Variants in FAM117B observed in about 807,000 individuals in gnomAD.
The protein encoded by FAM117B is protein FAM117B.
Under a neutral mutation model 52.8 loss-of-function variants are expected in FAM117B, and 22 were observed. The ratio of observed to expected loss-of-function variants is 0.42; its 90% CI spans 0.30 to 0.59. FAM117B has a LOEUF of 0.59. Ranked by LOEUF, FAM117B falls within the 20% of genes least tolerant of loss-of-function variation. FAM117B has a pLI of 0.22. For missense variants in FAM117B, 678 were observed against 802.6 expected (o/e 0.84, Z 1.88); for synonymous variants, 309 against 324.1 (o/e 0.95, Z 0.50).
chr2:202,670,109 TC>T (rs1428683164), intron 1 of FAM117B, among the ~76,000 whole-genome samples: 1 of 152,156 alleles, frequency 6.6e-6, no homozygotes, highest in Non-Finnish European at 1.5e-5. Context: ...ACTGTCTAAA[TC>T]AACAAATCTT....
At chr2:202,655,264 G>A (rs1690034354) in intron 1 of FAM117B, among the ~76,000 whole-genome samples, 1 of 152,080 alleles carries the variant, frequency 6.6e-6, no homozygotes, top group Non-Finnish European at 1.5e-5. Context: ...CTTTGTTTAT[G>A]CATTATTAGT....
At position 202,673,609 on chromosome 2, in the gene FAM117B, G is replaced by A. The variant is rs566167223; in HGVS notation, c.602-22272G>A. On this transcript the variant is annotated intron_variant, in intron 1 of 7. Transcript: ENST00000392238. ...ATTACAGTTGCCTACCACCACACCC[G>A]GCTAATTCTTGTATTTTTAGTAGAG... 3.3e-4 allele frequency among the ~76,000 whole-genome samples: 50 copies of A among 151,270 alleles called. 1 individual carries two copies. The highest frequency in any genetic ancestry group is 5.5e-4 in the Non-Finnish European group (37 of 67,852).
intron 4 of FAM117B, among the ~76,000 whole-genome samples, chr2:202,732,105 G>A (rs572615966): frequency 8.2e-4 from 123 of 149,484 alleles, no homozygotes; most frequent in African/African-American, 2.9e-3. Flanking sequence ...TGGCCAGGCT[G>A]GTCTTGAACT....
In FAM117B at chr2:202,767,156, GCTTTTTTT is replaced by G. The variant is rs1211731449; in HGVS notation, c.*1393_*1400del. The G allele has an allele frequency of 4.8e-5, 5 of 105,006 alleles. No individual in the cohort carries two copies. The highest frequency in any genetic ancestry group is 7.8e-5 in the Non-Finnish European group (4 of 51,104). The allele number at this position is 105,006 out of a possible 1,614,324, so 6.5% of individuals were successfully genotyped here. On this transcript the variant is annotated 3_prime_UTR_variant, in exon 8 of 8. Coordinates refer to ENST00000392238, the MANE Select transcript of FAM117B (RefSeq NM_173511.4). ...TATGTGGTAGTGAGATTAAGGAGCAGCTTTTTTTTTTTTTTTTTTTTGAGACGGAGTTT... is the reference window on the plus strand; with the variant it reads ...TATGTGGTAGTGAGATTAAGGAGCAGTTTTTTTTTTTTTGAGACGGAGTTT...
At chr2:202,737,948 C>T (rs1691468179) in intron 4 of FAM117B, among the ~76,000 whole-genome samples, 1 of 152,102 alleles carries the variant, frequency 6.6e-6, no homozygotes, top group African/African-American at 2.4e-5. Context: ...ACATGGATTT[C>T]CCACAATGTA....
chr2:202,655,870 G>A (rs959283897), intron 1 of FAM117B, among the ~76,000 whole-genome samples: 2 of 151,670 alleles, frequency 1.3e-5, no homozygotes, highest in Non-Finnish European at 2.9e-5. Flanking sequence ...CAATCAATTG[G>A]GAGAACTCAC....
intron 1 of FAM117B, among the ~76,000 whole-genome samples, chr2:202,646,947 T>A (rs1443338122): frequency 6.6e-6 from 1 of 152,184 alleles, no homozygotes; most frequent in Non-Finnish European, 1.5e-5. Context: ...CCCAGCCAGC[T>A]TTTAAGACTA....
At chr2:202,761,935 A>G (rs2105801418) in intron 7 of FAM117B, among the ~76,000 whole-genome samples, 1 of 152,178 alleles carries the variant, frequency 6.6e-6, no homozygotes, top group African/African-American at 2.4e-5. Context: ...AGACTGTGTA[A>G]CACTATTAAT....
intron 1 of FAM117B, among the ~76,000 whole-genome samples, chr2:202,661,616 T>TA (rs1269935133): frequency 6.6e-6 from 1 of 152,062 alleles, no homozygotes. Context: ...CAGCTAACAT[T>TA]AAAAAATTAT....
intron 2 of FAM117B, among the ~76,000 whole-genome samples, chr2:202,713,803 T>C (rs1309295275): frequency 1.3e-5 from 2 of 152,146 alleles, no homozygotes; most frequent in African/African-American, 4.8e-5. Flanking sequence ...ACCTCCTGGG[T>C]TCAAACAATT....
At chr2:202,721,926 G>A (rs1691158289) in intron 2 of FAM117B, among the ~76,000 whole-genome samples, 1 of 151,976 alleles carries the variant, frequency 6.6e-6, no homozygotes, top group Admixed American at 6.6e-5. Context: ...ATAAGCATGA[G>A]CCGCTGTGCC....
intron 2 of FAM117B, among the ~76,000 whole-genome samples, chr2:202,707,339 TG>T (rs1690887163): frequency 6.6e-6 from 1 of 151,346 alleles, no homozygotes; most frequent in Non-Finnish European, 1.5e-5. Flanking sequence ...TGTGGTCCAC[TG>T]GGCCTGGCCC....
At chr2:202,719,578 A>G (rs1300995368) in intron 2 of FAM117B, among the ~76,000 whole-genome samples, 1 of 152,156 alleles carries the variant, frequency 6.6e-6, no homozygotes, top group East Asian at 1.9e-4. Context: ...CTTCTTAACT[A>G]TTTCAGCATG....
chr2:202,666,128 G>C (rs905884152), intron 1 of FAM117B, among the ~76,000 whole-genome samples: 4 of 152,024 alleles, frequency 2.6e-5, no homozygotes, highest in Admixed American at 2.0e-4. Context: ...GCTTAAATTG[G>C]GAATGGTATT....
chr2:202,758,791 G>A (rs1411957003), intron 6 of FAM117B, among the ~76,000 whole-genome samples: 1 of 152,102 alleles, frequency 6.6e-6, no homozygotes, highest in Non-Finnish European at 1.5e-5. Context: ...CAAAAAAAAT[G>A]TTTGGCATCC....
intron 1 of FAM117B, among the ~76,000 whole-genome samples, chr2:202,662,948 C>T (rs546231528): frequency 3.9e-5 from 6 of 151,994 alleles, no homozygotes; most frequent in African/African-American, 1.2e-4. Flanking sequence ...ACATCACACT[C>T]TTATCCTGTA....
chr2:202,651,665 C>T (rs572987418), intron 1 of FAM117B, among the ~76,000 whole-genome samples: 2 of 152,214 alleles, frequency 1.3e-5, no homozygotes, highest in South Asian at 4.1e-4. Context: ...TGAGCCACCA[C>T]GCCTGGCCAA....
At chr2:202,726,505 A>G (rs150778760) in intron 4 of FAM117B, 142 bp downstream of exon 4, 1 of 608,916 alleles carries the variant, frequency 1.6e-6, no homozygotes. Context: ...CACAGTCTTT[A>G]TAAGAAAACA....
intron 7 of FAM117B, among the ~76,000 whole-genome samples, chr2:202,761,171 A>G (rs1010735122): frequency 1.3e-5 from 2 of 152,218 alleles, no homozygotes; most frequent in Admixed American, 1.3e-4. Flanking sequence ...TGCTGGGACT[A>G]TAGGCATGAG....
Sources: allele counts gnomAD v4.1 joint callset (sites outside exome capture counted in the v4.1 genomes callset), GRCh38; gene constraint gnomAD v4.1.1; transcripts MANE v1.5; gene names NCBI Gene and HGNC (gene_info 2026-07-23, HGNC 2026-07-21).